The following NRG1 variants were observed in gnomAD, a reference collection of about 807,000 sequenced individuals.
NRG1 encodes pro-neuregulin-1, membrane-bound isoform.
In NRG1, 18 loss-of-function variants were observed where a neutral mutation model predicts 63.8. The ratio of observed to expected loss-of-function variants is 0.28; its 90% CI spans 0.19 to 0.42. The LOEUF (loss-of-function observed/expected upper bound fraction) is 0.42. Ranked by LOEUF, NRG1 falls within the 10% of genes least tolerant of loss-of-function variation. NRG1 has a pLI of 1.00. For synonymous variants in NRG1, 302 were observed against 301.3 expected (o/e 1.00, Z -0.02); for missense variants, 762 against 814.7 (o/e 0.94, Z 0.79).
intron 1 of NRG1, among the ~76,000 whole-genome samples, chr8:32,497,977 C>T (rs780801734): frequency 6.6e-6 from 1 of 152,118 alleles, no homozygotes; most frequent in Non-Finnish European, 1.5e-5. Flanking sequence ...ACATGCATGA[C>T]CATGCCCGGC....
At chr8:32,302,658 A>G (rs1395931267) in intron 1 of NRG1, among the ~76,000 whole-genome samples, 1 of 148,110 alleles carries the variant, frequency 6.8e-6, no homozygotes, top group Non-Finnish European at 1.5e-5. Flanking sequence ...ATTTCTATTT[A>G]TCAAGAAAGA....
At chr8:32,442,302 T>G (rs1819650158) in intron 1 of NRG1, among the ~76,000 whole-genome samples, 1 of 152,204 alleles carries the variant, frequency 6.6e-6, no homozygotes, top group Non-Finnish European at 1.5e-5. Context: ...TACCTGAGCC[T>G]GGACTCAAAG....
intron 1 of NRG1, among the ~76,000 whole-genome samples, chr8:32,468,242 C>T (rs1393853009): frequency 6.6e-6 from 1 of 152,142 alleles, no homozygotes; most frequent in Non-Finnish European, 1.5e-5. Context: ...AATTACAGTC[C>T]AGCTTAGCCT....
chr8:32,688,294 G>A (rs1361870859), intron 5 of NRG1, among the ~76,000 whole-genome samples: 2 of 152,008 alleles, frequency 1.3e-5, no homozygotes, highest in South Asian at 2.1e-4. Flanking sequence ...CACGTAAGCC[G>A]CTCAACTCAC....
chr8:31,743,593 T>A (rs1815536734), intron 1 of NRG1, among the ~76,000 whole-genome samples: 1 of 151,908 alleles, frequency 6.6e-6, no homozygotes, highest in African/African-American at 2.4e-5. Flanking sequence ...TGTGTGGGTG[T>A]GTGTGTGCAC....
intron 1 of NRG1, among the ~76,000 whole-genome samples, chr8:31,975,393 G>A (rs1808002837): frequency 1.3e-5 from 2 of 152,096 alleles, no homozygotes; most frequent in African/African-American, 4.8e-5. Context: ...AAGGGGTTAT[G>A]TTCTGATGAG....
At chr8:31,875,262 C>T (rs892040664) in intron 1 of NRG1, among the ~76,000 whole-genome samples, 9 of 152,204 alleles carry the variant, frequency 5.9e-5, no homozygotes, top group Non-Finnish European at 1.2e-4. Flanking sequence ...TGCCTCAGCC[C>T]GGGCAACTGT....
intron 1 of NRG1, among the ~76,000 whole-genome samples, chr8:31,971,048 G>GA (rs34407270): frequency 4.2e-4 from 57 of 137,324 alleles, no homozygotes; most frequent in Middle Eastern, 3.7e-3. Flanking sequence ...CGTCCCAAAA[G>GA]AAAAAAAAAA....
At chr8:31,966,626 A>G (rs1328562012) in intron 1 of NRG1, among the ~76,000 whole-genome samples, 4 of 152,328 alleles carry the variant, frequency 2.6e-5, no homozygotes, top group African/African-American at 9.6e-5. Context: ...GAGCTGCTTA[A>G]TACATTTCAA....
chr8:32,091,698 A>G (rs139649812), intron 1 of NRG1, among the ~76,000 whole-genome samples: 1,670 of 152,188 alleles, frequency 0.011, 38 homozygotes, highest in African/African-American at 0.038. Context: ...TGACCAACTG[A>G]TAGAGGATGG....
intron 1 of NRG1, among the ~76,000 whole-genome samples, chr8:32,590,898 A>C (rs551162863): frequency 1.3e-5 from 2 of 152,332 alleles, no homozygotes; most frequent in African/African-American, 2.4e-5. Context: ...GGGCTATTCC[A>C]GTAGTCCTGG....
At chr8:31,937,915 G>A (rs1244014053) in intron 1 of NRG1, among the ~76,000 whole-genome samples, 1 of 152,140 alleles carries the variant, frequency 6.6e-6, no homozygotes. Context: ...GCCTCCACCT[G>A]GTGGTCTTTC....
intron 1 of NRG1, among the ~76,000 whole-genome samples, chr8:31,854,562 G>C (rs1827637324): frequency 6.6e-6 from 1 of 151,934 alleles, no homozygotes; most frequent in Non-Finnish European, 1.5e-5. Context: ...CAAAAAACCA[G>C]CTCCTGGATT....
chr8:31,891,737 A>G (rs1831161237), intron 1 of NRG1, among the ~76,000 whole-genome samples: 2 of 152,188 alleles, frequency 1.3e-5, no homozygotes, highest in African/African-American at 4.8e-5. Flanking sequence ...AACTGGAAAC[A>G]TCTCCAGTGT....
intron 1 of NRG1, among the ~76,000 whole-genome samples, chr8:31,967,835 A>T (rs1806611265): frequency 1.3e-5 from 2 of 152,250 alleles, no homozygotes; most frequent in Non-Finnish European, 2.9e-5. Flanking sequence ...CTGTGATTAA[A>T]GACAATGCCC....
At chr8:31,875,177 C>T (rs1829813977) in intron 1 of NRG1, among the ~76,000 whole-genome samples, 1 of 152,088 alleles carries the variant, frequency 6.6e-6, no homozygotes, top group Non-Finnish European at 1.5e-5. Context: ...ATCCCTTTAT[C>T]CATTCTCCAC....
intron 1 of NRG1, among the ~76,000 whole-genome samples, chr8:32,370,857 C>CAAAAAA (rs570354347): frequency 3.8e-5 from 2 of 52,050 alleles, no homozygotes; most frequent in Admixed American, 2.7e-4. Flanking sequence ...GACTCTGTCT[C>CAAAAAA]AAAAAAAAAA....
intron 1 of NRG1, among the ~76,000 whole-genome samples, chr8:31,863,191 A>T (rs545571085): frequency 7.6e-4 from 116 of 152,344 alleles, no homozygotes; most frequent in African/African-American, 2.7e-3. Flanking sequence ...AAGCTCTCAA[A>T]CTAGCAAACT....
At chr8:32,473,157 G>C (rs893627583) in intron 1 of NRG1, among the ~76,000 whole-genome samples, 1 of 152,204 alleles carries the variant, frequency 6.6e-6, no homozygotes, top group African/African-American at 2.4e-5. Flanking sequence ...ATCTACATAT[G>C]TACATGTGTA....
Sources: gnomAD v4.1 joint callset for allele counts (sites outside exome capture counted in the v4.1 genomes callset) on GRCh38, gnomAD v4.1.1 for gene constraint, MANE v1.5 for transcripts, NCBI Gene and HGNC (gene_info 2026-07-23, HGNC 2026-07-21) for gene names.